The following GAD2 variants were observed in gnomAD, a reference collection of about 807,000 sequenced individuals.
The protein encoded by GAD2 is 65 kDa glutamic acid decarboxylase.
In GAD2, 22 loss-of-function variants were observed where a neutral mutation model predicts 80.1. The ratio of observed to expected loss-of-function variants is 0.27; its 90% confidence interval spans 0.20 to 0.39. GAD2 has a LOEUF of 0.39. GAD2 is among the 10% of genes least tolerant of loss of function. The pLI, the probability that GAD2 is intolerant of heterozygous loss-of-function variation, is 1.00. For synonymous variants in GAD2, 274 were observed against 256.9 expected (o/e 1.07, Z -0.64); for missense variants, 624 against 738.4 (o/e 0.85, Z 1.80).
intron 6 of GAD2, 112 bp from the exon 7 acceptor site, chr10:26,229,550 T>A (rs2839676): frequency 1.4e-6 from 1 of 707,930 alleles, no homozygotes; most frequent in Non-Finnish European, 2.4e-6. Context: ...AGTCAATAGG[T>A]TTTTCTTCTG....
At chr10:26,255,702 A>AAAGG (rs146125674) in intron 8 of GAD2, among the ~76,000 whole-genome samples, 5 of 151,596 alleles carry the variant, frequency 3.3e-5, no homozygotes, top group African/African-American at 9.7e-5. Flanking sequence ...AGGAATGAAG[A>AAAGG]AAGGAAGGAA....
chr10:26,291,973 A>G (rs962002946), intron 13 of GAD2, among the ~76,000 whole-genome samples: 22 of 152,198 alleles, frequency 1.4e-4, no homozygotes, highest in Non-Finnish European at 1.3e-4. Context: ...CATTTGTTCA[A>G]TGAAGTCAGT....
At chr10:26,268,208 C>T (rs1326415734) in intron 8 of GAD2, among the ~76,000 whole-genome samples, 4 of 152,210 alleles carry the variant, frequency 2.6e-5, no homozygotes, top group African/African-American at 9.7e-5. Flanking sequence ...GTGGCTTACG[C>T]CTGTAATCCC....
chr10:26,272,774 G>A lies in GAD2; in HGVS notation c.1093-862G>A, dbSNP rs555011269. On this transcript the variant is annotated intron_variant, in intron 10 of 15. Transcript: ENST00000376261. ...AGCTACTTGGGAGGCTGAGGCAGGAGAATTGCTTGAACCCAGGAGGCAGAG... is the reference window on the plus strand; with the variant it reads ...AGCTACTTGGGAGGCTGAGGCAGGAAAATTGCTTGAACCCAGGAGGCAGAG... Among the ~76,000 whole-genome samples, 9 of 152,260 alleles carry A rather than the reference G, an allele frequency of 5.9e-5. No homozygotes were observed. In the East Asian group the frequency reaches 1.7e-3, roughly 29 times the overall value.
At chr10:26,227,677 A>T (rs1435572669) in intron 6 of GAD2, among the ~76,000 whole-genome samples, 1 of 152,158 alleles carries the variant, frequency 6.6e-6, no homozygotes. Context: ...GAAACCAGGG[A>T]TGCTGCTCAA....
chr10:26,300,107 C>T (rs1394835864), intron 15 of GAD2, among the ~76,000 whole-genome samples: 3 of 151,998 alleles, frequency 2.0e-5, no homozygotes, highest in African/African-American at 7.2e-5. Context: ...ATTTCATATA[C>T]AATAGAGAGC....
chr10:26,236,158 G>A (rs141809001), intron 7 of GAD2, among the ~76,000 whole-genome samples: 74 of 152,210 alleles, frequency 4.9e-4, no homozygotes, highest in African/African-American at 1.7e-3. Flanking sequence ...CTGTTACCCA[G>A]GCTGGAGTAC....
chr10:26,278,848 G>A (rs142493283), intron 11 of GAD2, among the ~76,000 whole-genome samples: 14 of 151,612 alleles, frequency 9.2e-5, no homozygotes, highest in Non-Finnish European at 1.9e-4. Flanking sequence ...GCCAGTGAGC[G>A]CTCTCTGACT....
chr10:26,232,920 GA>G (rs954216612), intron 7 of GAD2, among the ~76,000 whole-genome samples: 4 of 152,058 alleles, frequency 2.6e-5, no homozygotes, highest in Admixed American at 6.6e-5. Context: ...TTTGAATTAC[GA>G]AGCTCTCCTA....
intron 9 of GAD2, among the ~76,000 whole-genome samples, chr10:26,269,612 A>C (rs1041558928): frequency 6.6e-6 from 1 of 152,206 alleles, no homozygotes; most frequent in African/African-American, 2.4e-5. Context: ...GCAGGAAGCA[A>C]TTTAGAACTC....
chr10:26,239,816 A>T (rs896419840), intron 7 of GAD2, among the ~76,000 whole-genome samples: 18 of 152,200 alleles, frequency 1.2e-4, no homozygotes, highest in Non-Finnish European at 1.5e-4. Context: ...AAGTGCAAAG[A>T]CTCAGAAGGG....
intron 15 of GAD2, among the ~76,000 whole-genome samples, chr10:26,297,697 A>G (rs968774048): frequency 6.6e-6 from 1 of 152,134 alleles, no homozygotes; most frequent in Non-Finnish European, 1.5e-5. Context: ...TAGAAAGGAG[A>G]GCTTTATTGA....
intron 7 of GAD2, among the ~76,000 whole-genome samples, chr10:26,240,208 C>T (rs1298755484): frequency 6.6e-6 from 1 of 152,174 alleles, no homozygotes; most frequent in Non-Finnish European, 1.5e-5. Flanking sequence ...GATTTACTGT[C>T]CCCATTAAAG....
intron 15 of GAD2, among the ~76,000 whole-genome samples, chr10:26,296,442 TAC>T (rs374472146): frequency 1.4e-4 from 21 of 152,136 alleles, no homozygotes; most frequent in African/African-American, 5.1e-4. Flanking sequence ...ATAAAGCAAA[TAC>T]AGTCATATCT....
chr10:26,276,806 A>G (rs1432662793), intron 11 of GAD2, among the ~76,000 whole-genome samples: 4 of 152,182 alleles, frequency 2.6e-5, no homozygotes, highest in Non-Finnish European at 5.9e-5. Context: ...GTGCTGGTAC[A>G]GTTTCTGCTG....
chr10:26,295,983 C>A (rs1253281561), intron 15 of GAD2, among the ~76,000 whole-genome samples: 2 of 152,194 alleles, frequency 1.3e-5, no homozygotes, highest in Non-Finnish European at 2.9e-5. Flanking sequence ...CGTGGTTGAG[C>A]TGCAAAAACA....
chr10:26,249,787 C>G (rs1844856646), intron 8 of GAD2, among the ~76,000 whole-genome samples: 1 of 152,162 alleles, frequency 6.6e-6, no homozygotes, highest in Non-Finnish European at 1.5e-5. Flanking sequence ...AAAGGCAACA[C>G]TCTGCTCACA....
At chr10:26,257,073 T>C (rs1844953061) in intron 8 of GAD2, among the ~76,000 whole-genome samples, 1 of 152,196 alleles carries the variant, frequency 6.6e-6, no homozygotes, top group African/African-American at 2.4e-5. Context: ...GACTCAAAAC[T>C]ATTTTTAGAA....
intron 13 of GAD2, among the ~76,000 whole-genome samples, chr10:26,288,778 T>C (rs1834178917): frequency 6.6e-6 from 1 of 152,184 alleles, no homozygotes; most frequent in Admixed American, 6.5e-5. Flanking sequence ...GGAAAACGTT[T>C]CTCTCATGGT....
Sources: gnomAD v4.1 joint callset for allele counts (sites outside exome capture counted in the v4.1 genomes callset) on GRCh38, gnomAD v4.1.1 for gene constraint, MANE v1.5 for transcripts, NCBI Gene and HGNC (gene_info 2026-07-23, HGNC 2026-07-21) for gene names.